Variants in APP observed in about 807,000 individuals in gnomAD.
The protein encoded by APP is amyloid beta precursor protein, also known as amyloid-beta precursor protein.
APP carries 31 observed loss-of-function variants against 101.4 expected under a neutral mutation model. That is an observed-to-expected ratio of 0.31 (90% CI 0.23 to 0.41). APP has a LOEUF of 0.41. APP is among the 10% of genes least tolerant of loss of function. APP has a pLI of 1.00. For missense variants in APP, 839 were observed against 1,003.7 expected, an observed-to-expected ratio of 0.84 and a Z score of 2.22; for synonymous variants, 366 against 364.4, an observed-to-expected ratio of 1.00 and a Z score of -0.05.
intron 2 of APP, among the ~76,000 whole-genome samples, chr21:26,110,690 A>G (rs897343529): frequency 1.3e-5 from 2 of 152,136 alleles, no homozygotes; most frequent in African/African-American, 4.8e-5. Flanking sequence ...TAATTTTAGT[A>G]TTTACAATTT....
intron 11 of APP, among the ~76,000 whole-genome samples, chr21:25,969,924 A>G (rs1425770205): frequency 0.22 from 1,238 of 5,706 alleles, 12 homozygotes; most frequent in Non-Finnish European, 0.29. Context: ...GGGAAGAGAA[A>G]AGGAAAGGAA....
At chr21:26,022,073 G>T in intron 5 of APP, 31 bp from the exon 6 acceptor site, 1 of 1,609,454 alleles carries the variant, frequency 6.2e-7, no homozygotes, top group Non-Finnish European at 8.5e-7. Flanking sequence ...AACAGAAAAA[G>T]TCAATTAAAC....
At chr21:25,925,406 T>A (rs983341402) in intron 13 of APP, among the ~76,000 whole-genome samples, 2 of 152,174 alleles carry the variant, frequency 1.3e-5, no homozygotes, top group Non-Finnish European at 2.9e-5. Flanking sequence ...TCGCTTTGAA[T>A]CCTTTTGTCT....
chr21:26,148,781 C>T (rs2063204996), intron 1 of APP, among the ~76,000 whole-genome samples: 1 of 152,236 alleles, frequency 6.6e-6, no homozygotes, highest in East Asian at 1.9e-4. Flanking sequence ...GGGCCTACTC[C>T]TGGCCATGTT....
intron 11 of APP, among the ~76,000 whole-genome samples, chr21:25,960,346 A>G (rs2041525998): frequency 6.6e-6 from 1 of 151,954 alleles, no homozygotes; most frequent in Non-Finnish European, 1.5e-5. Flanking sequence ...GTTCCTGCAG[A>G]CCTCCAGTAA....
intron 1 of APP, among the ~76,000 whole-genome samples, chr21:26,153,744 A>G (rs992466034): frequency 6.6e-6 from 1 of 152,194 alleles, no homozygotes; most frequent in African/African-American, 2.4e-5. Context: ...TTCAAGGTTG[A>G]TATTTCCTTT....
At chr21:25,991,040 GC>G (rs1173376578) in intron 8 of APP, among the ~76,000 whole-genome samples, 1 of 152,184 alleles carries the variant, frequency 6.6e-6, no homozygotes, top group Non-Finnish European at 1.5e-5. Context: ...GGAGGTGGAG[GC>G]CATTATTCTA....
intron 6 of APP, among the ~76,000 whole-genome samples, chr21:26,006,884 A>G (rs915869029): frequency 6.6e-6 from 1 of 152,196 alleles, no homozygotes; most frequent in African/African-American, 2.4e-5. Context: ...AATAAAGCAA[A>G]GCTGGTTATT....
intron 13 of APP, among the ~76,000 whole-genome samples, chr21:25,950,171 G>A (rs902315021): frequency 2.1e-4 from 32 of 152,172 alleles, no homozygotes; most frequent in African/African-American, 5.3e-4. Flanking sequence ...GTACCTCAAC[G>A]GGGAACATTC....
At chr21:26,114,479 C>T (rs979184) in intron 1 of APP, among the ~76,000 whole-genome samples, 14,525 of 152,154 alleles carry the variant, frequency 0.095, 885 homozygotes, top group Admixed American at 0.15. Flanking sequence ...AAAAACAAAC[C>T]CTTTGCTACC....
chr21:26,118,656 G>A lies in APP; in HGVS notation c.58-6510C>T, dbSNP rs1355919371. On this transcript the variant is annotated intron_variant, in intron 1 of 17. Transcript: ENST00000346798. ...CAACCTCTGCCTCCTGGGTTCAAGC[G>A]ATTCTTGTGCTTTAACCTCCTGAGT... Among the ~76,000 whole-genome samples the A allele has an allele frequency of 2.6e-5, 4 of 152,124 alleles. No homozygotes were observed. In the East Asian group the frequency reaches 7.7e-4, roughly 29 times the overall value.
chr21:25,970,404 G>C (rs1298206550), intron 11 of APP, among the ~76,000 whole-genome samples: 1 of 152,088 alleles, frequency 6.6e-6, no homozygotes. Flanking sequence ...TTTAGAGATT[G>C]GACTTTCAGC....
At chr21:25,897,456 G>A in intron 16 of APP, 117 bp downstream of exon 16, 3 of 852,700 alleles carry the variant, frequency 3.5e-6, no homozygotes, top group South Asian at 1.4e-5. Flanking sequence ...AATCCTATAG[G>A]CAAGCATTGT....
chr21:26,073,216 T>C (rs1335458597), intron 3 of APP, among the ~76,000 whole-genome samples: 1 of 152,196 alleles, frequency 6.6e-6, no homozygotes, highest in Non-Finnish European at 1.5e-5. Context: ...ATTCTGATTC[T>C]AAATATTTTG....
intron 1 of APP, 133 bp downstream of exon 1, chr21:26,170,431 C>A (rs2063721234): frequency 1.0e-6 from 1 of 965,732 alleles, no homozygotes; most frequent in South Asian, 1.6e-5. Context: ...CGTCCGCAAG[C>A]GGGGGCGGAG....
chr21:26,063,117 G>A (rs958691058), intron 3 of APP, among the ~76,000 whole-genome samples: 2 of 152,192 alleles, frequency 1.3e-5, no homozygotes, highest in African/African-American at 4.8e-5. Flanking sequence ...GAACAATTAA[G>A]TACATAGATG....
At chr21:25,902,575 G>GC (rs2038562441) in intron 15 of APP, among the ~76,000 whole-genome samples, 1 of 146,368 alleles carries the variant, frequency 6.8e-6, no homozygotes, top group South Asian at 2.2e-4. Flanking sequence ...AGGAAGCTTG[G>GC]CTTAGGCCAC....
chr21:26,168,815 T>C (rs2063674064), intron 1 of APP, among the ~76,000 whole-genome samples: 1 of 152,178 alleles, frequency 6.6e-6, no homozygotes, highest in Non-Finnish European at 1.5e-5. Context: ...CAACCTGTCT[T>C]AACTAGCCCT....
intron 2 of APP, among the ~76,000 whole-genome samples, chr21:26,096,368 A>T (rs144091702): frequency 3.3e-5 from 5 of 152,322 alleles, no homozygotes; most frequent in African/African-American, 1.2e-4. Context: ...TGGCTTTCAG[A>T]CTATCAGGAG....
Sources: gnomAD v4.1 joint callset for allele counts (sites outside exome capture counted in the v4.1 genomes callset) on GRCh38, gnomAD v4.1.1 for gene constraint, MANE v1.5 for transcripts, NCBI Gene and HGNC (gene_info 2026-07-23, HGNC 2026-07-21) for gene names.